Variants in KIAA1549L observed in about 807,000 individuals in gnomAD.
KIAA1549L encodes UPF0606 protein KIAA1549L.
Under a neutral mutation model 160.7 loss-of-function variants are expected in KIAA1549L, and 88 were observed. The observed-to-expected ratio is 0.55, with a 90% CI of 0.46 to 0.65. The LOEUF (loss-of-function observed/expected upper bound fraction) is 0.65. Ranked by LOEUF, KIAA1549L falls within the 30% of genes least tolerant of loss-of-function variation. The pLI, the probability that KIAA1549L is intolerant of heterozygous loss-of-function variation, is 0.00. For missense variants in KIAA1549L, 2,258 were observed against 2,437.5 expected, an observed-to-expected ratio of 0.93 and a Z score of 1.55; for synonymous variants, 950 against 976.7, an observed-to-expected ratio of 0.97 and a Z score of 0.51.
At chr11:33,386,366 A>G (rs1405784574) in intron 1 of KIAA1549L, among the ~76,000 whole-genome samples, 1 of 152,176 alleles carries the variant, frequency 6.6e-6, no homozygotes, top group Non-Finnish European at 1.5e-5. Flanking sequence ...TAGTTTGTAA[A>G]AAGACAACTT....
intron 1 of KIAA1549L, among the ~76,000 whole-genome samples, chr11:33,497,897 A>G (rs1474767296): frequency 6.6e-6 from 1 of 152,226 alleles, no homozygotes; most frequent in African/African-American, 2.4e-5. Flanking sequence ...CTACGGTGCC[A>G]TTCTGATCTG....
At position 33,458,917 on chromosome 11, in the gene KIAA1549L, C is replaced by T. The variant is rs867513436; in HGVS notation, c.238+82028C>T. On this transcript the variant is annotated intron_variant, in intron 1 of 20. Transcript: ENST00000658780. ...CAGTGTTAAACTTCAGAGCACAAGA[C>T]TTAGAATCTGAGAAACAATGGTGTT... is the stretch of plus-strand genomic sequence containing the variant. Among the ~76,000 whole-genome samples the T allele has an allele frequency of 9.6e-4, 146 of 152,286 alleles. 3 individuals carry two copies. In the Middle Eastern group the frequency reaches 0.01, roughly 11 times the overall value.
chr11:33,606,444 G>A (rs1208850138), intron 13 of KIAA1549L, among the ~76,000 whole-genome samples, 197 bp from the exon 14 acceptor site: 1 of 152,186 alleles, frequency 6.6e-6, no homozygotes, highest in Non-Finnish European at 1.5e-5. Flanking sequence ...AGGCAATGGA[G>A]GGATAAATCA....
In KIAA1549L at chr11:33,543,781, C is replaced by T. The variant is rs555195342; in HGVS notation, c.2218C>T (p.Pro740Ser). 1.2e-6 allele frequency: 2 copies of T among 1,614,040 alleles called. No individual in the cohort carries two copies. Among genetic ancestry groups the T allele is most frequent in the African/African-American group, 1.3e-5 (1 of 75,062 alleles). The change falls in exon 2 of 21, where the codon CCA (proline) becomes TCA (serine). Residue 740 changes from proline to serine, a missense_variant. Physicochemically the swap from Pro to Ser is moderately conservative, Grantham distance 74 (BLOSUM62 -1). Transcript: ENST00000658780. ...STTSWETHLAPTAPPNGLTSA... is the reference protein window; with the variant it reads ...STTSWETHLASTAPPNGLTSA... Reference sequence around the variant, plus strand: ...CACAAGTTGGGAAACTCATTTAGCTCCAACAGCTCCTCCCAATGGTTTAAC... The same window carrying T: ...CACAAGTTGGGAAACTCATTTAGCTTCAACAGCTCCTCCCAATGGTTTAAC...
chr11:33,497,502 A>C (rs1324965286), intron 1 of KIAA1549L, among the ~76,000 whole-genome samples: 2 of 151,836 alleles, frequency 1.3e-5, no homozygotes, highest in Non-Finnish European at 2.9e-5. Context: ...AAAATAATAA[A>C]AAAAGAATTA....
intron 1 of KIAA1549L, among the ~76,000 whole-genome samples, chr11:33,446,808 T>C: frequency 6.6e-6 from 1 of 152,088 alleles, no homozygotes; most frequent in Non-Finnish European, 1.5e-5. Context: ...GGCTTTCCTT[T>C]TGAGCAAGTG....
chr11:33,666,080 G>T (rs1852440569), intron 20 of KIAA1549L, among the ~76,000 whole-genome samples: 1 of 152,166 alleles, frequency 6.6e-6, no homozygotes, highest in Non-Finnish European at 1.5e-5. Context: ...GGCAGATCCT[G>T]CCTGCTTCTG....
intron 1 of KIAA1549L, among the ~76,000 whole-genome samples, chr11:33,408,752 A>G (rs1004328969): frequency 3.5e-5 from 5 of 144,240 alleles, no homozygotes; most frequent in African/African-American, 5.2e-5. Context: ...CCTGGCCAAC[A>G]TGGTGAAACC....
intron 1 of KIAA1549L, among the ~76,000 whole-genome samples, chr11:33,409,086 G>C (rs1850734581): frequency 6.6e-6 from 1 of 152,026 alleles, no homozygotes; most frequent in African/African-American, 2.4e-5. Context: ...AATGATGCTA[G>C]AGGGAGGGGG....
At chr11:33,438,050 G>A (rs2615906) in intron 1 of KIAA1549L, among the ~76,000 whole-genome samples, 35,614 of 152,064 alleles carry the variant, frequency 0.23, 4,465 homozygotes, top group East Asian at 0.32. Context: ...TTTCCCAACC[G>A]TTGGTGTCAA....
intron 10 of KIAA1549L, among the ~76,000 whole-genome samples, chr11:33,579,198 C>T (rs913513715): frequency 3.3e-5 from 5 of 152,162 alleles, no homozygotes; most frequent in African/African-American, 9.7e-5. Context: ...AAGAGAGCTA[C>T]ATAGGAGATT....
At chr11:33,589,991 G>T (rs1321371405) in intron 11 of KIAA1549L, among the ~76,000 whole-genome samples, 2 of 152,122 alleles carry the variant, frequency 1.3e-5, no homozygotes, top group East Asian at 3.9e-4. Flanking sequence ...TTCATCTGCA[G>T]ATTTTCTTGA....
At chr11:33,428,434 C>T (rs1367755233) in intron 1 of KIAA1549L, among the ~76,000 whole-genome samples, 3 of 152,054 alleles carry the variant, frequency 2.0e-5, no homozygotes, top group Admixed American at 6.6e-5. Context: ...GTATTTCTCC[C>T]AATGCTCTCC....
chr11:33,459,009 T>C (rs1399628306), intron 1 of KIAA1549L, among the ~76,000 whole-genome samples: 1 of 152,240 alleles, frequency 6.6e-6, no homozygotes, highest in Non-Finnish European at 1.5e-5. Flanking sequence ...ATAACATGTT[T>C]ATTACTTACA....
At chr11:33,604,744 T>C (rs1017462107) in intron 13 of KIAA1549L, among the ~76,000 whole-genome samples, 9 of 152,112 alleles carry the variant, frequency 5.9e-5, no homozygotes, top group Non-Finnish European at 1.0e-4. Context: ...AAGTGGGAGC[T>C]AAGCTATGAG....
chr11:33,473,152 C>T (rs1392242961), intron 1 of KIAA1549L, among the ~76,000 whole-genome samples: 1 of 152,194 alleles, frequency 6.6e-6, no homozygotes, highest in Non-Finnish European at 1.5e-5. Flanking sequence ...GATGCTTGTT[C>T]ATGTTAATCC....
At position 33,562,555 on chromosome 11, in the gene KIAA1549L, T is replaced by C. The variant is rs1022382016; in HGVS notation, c.4078+820T>C. Among the ~76,000 whole-genome samples, 8 of 152,230 alleles carry C rather than the reference T, an allele frequency of 5.3e-5. No homozygotes were observed. The South Asian group carries it at 1.7e-3, about 32-fold the overall frequency. ...TCTCCTTGGTTTAGAGATGGTCATC[T>C]TCCCCCTGTGTCTTCACATGCCCTT... On this transcript the variant is annotated intron_variant, in intron 8 of 20. Transcript: ENST00000658780.
At chr11:33,547,554 C>T (rs1426894307) in intron 3 of KIAA1549L, among the ~76,000 whole-genome samples, 1 of 152,164 alleles carries the variant, frequency 6.6e-6, no homozygotes, top group East Asian at 1.9e-4. Flanking sequence ...TCTCTCTACT[C>T]GGGTCACACA....
In KIAA1549L at chr11:33,643,557, C is replaced by T. The variant is rs566590223; in HGVS notation, c.5410-2129C>T. ...TGGGAGCAGTTGAGCATTAAGCCTCCGTTATGTATCAGGGAGACTCTGGAT... is the reference window on the plus strand; with the variant it reads ...TGGGAGCAGTTGAGCATTAAGCCTCTGTTATGTATCAGGGAGACTCTGGAT... On this transcript the variant is annotated intron_variant, in intron 16 of 20. Transcript: ENST00000658780. Among the ~76,000 whole-genome samples the T allele has an allele frequency of 3.0e-4, 46 of 152,276 alleles. 2 individuals are homozygous for T. The South Asian group carries it at 7.9e-3, about 26-fold the overall frequency.
Sources: allele counts gnomAD v4.1 joint callset (sites outside exome capture counted in the v4.1 genomes callset), GRCh38; gene constraint gnomAD v4.1.1; transcripts MANE v1.5; gene names NCBI Gene and HGNC (gene_info 2026-07-23, HGNC 2026-07-21).